DPP6: variants seen among roughly 807,000 people sequenced by gnomAD.
The protein encoded by DPP6 is A-type potassium channel modulatory protein DPP6.
A neutral mutation model predicts 122.6 loss-of-function variants in DPP6; 69 were observed. The ratio of observed to expected loss-of-function variants is 0.56; its 90% confidence interval spans 0.46 to 0.69. The LOEUF (loss-of-function observed/expected upper bound fraction) is 0.69, where lower values mean the gene tolerates loss of function less well. Among genes scored for constraint, DPP6 ranks in the 30% least tolerant of loss-of-function variants. DPP6 has a pLI of 0.00. For missense variants in DPP6, 928 were observed against 1,116.9 expected, an observed-to-expected ratio of 0.83 and a Z score of 2.41; for synonymous variants, 418 against 433.1, an observed-to-expected ratio of 0.97 and a Z score of 0.43.
intron 1 of DPP6, among the ~76,000 whole-genome samples, chr7:154,080,974 G>C (rs1472632061): frequency 6.6e-6 from 1 of 152,072 alleles, no homozygotes; most frequent in Non-Finnish European, 1.5e-5. Context: ...TAAAACAGCT[G>C]AAGCTAAATC....
intron 1 of DPP6, among the ~76,000 whole-genome samples, chr7:154,081,059 G>A (rs903843738): frequency 3.3e-5 from 5 of 152,086 alleles, no homozygotes; most frequent in Non-Finnish European, 5.9e-5. Context: ...AGAATTTTGA[G>A]CTATGGCTTA....
the DPP6 span, among the ~76,000 whole-genome samples, chr7:153,753,410 T>C: frequency 6.6e-6 from 1 of 152,132 alleles, no homozygotes. Flanking sequence ...CATTTGATAA[T>C]TAGGATCAAT....
chr7:154,036,008 A>ACGCG (rs976364293), intron 1 of DPP6, among the ~76,000 whole-genome samples: 22 of 10,100 alleles, frequency 2.2e-3, no homozygotes, highest in Admixed American at 8.5e-3. Context: ...GGCCAGGATT[A>ACGCG]CGCGCGCGCG....
At chr7:154,732,388 A>C (rs927926111) in intron 8 of DPP6, among the ~76,000 whole-genome samples, 1 of 152,244 alleles carries the variant, frequency 6.6e-6, no homozygotes. Flanking sequence ...TGAGTCATCC[A>C]TACTTCTTTT....
rs1806695551 is a variant in DPP6, at chr7:154,892,439, C to A, written c.2557C>A (p.Leu853Met). Reference sequence around the variant, plus strand: ...GGAATGCTTCAGGATCCAGGACAAACTGCTGACAGTCACAGCGAAAGAGGA... The same window carrying A: ...GGAATGCTTCAGGATCCAGGACAAAATGCTGACAGTCACAGCGAAAGAGGA... ...FVECFRIQDK[L>M]LTVTAKEDEE... Residue 853 changes from leucine to methionine, a missense_variant, in exon 26 of 26, where the codon CTG (leucine) becomes ATG (methionine). By Grantham distance (15) the Leu-to-Met change is conservative. Coordinates refer to ENST00000377770, the MANE Select transcript of DPP6 (RefSeq NM_130797.4). 6.2e-7 allele frequency: 1 copy of A among 1,613,936 alleles called. No homozygotes were observed. The highest frequency in any genetic ancestry group is 8.5e-7 in the Non-Finnish European group (1 of 1,179,906).
chr7:154,383,356 C>CA (rs1194335818), intron 1 of DPP6, among the ~76,000 whole-genome samples: 1 of 152,190 alleles, frequency 6.6e-6, no homozygotes, highest in Non-Finnish European at 1.5e-5. Flanking sequence ...AGCCTCTTCA[C>CA]ATCTCCTATT....
intron 16 of DPP6, among the ~76,000 whole-genome samples, chr7:154,840,367 G>A (rs11243319): frequency 6.6e-6 from 1 of 152,040 alleles, no homozygotes; most frequent in Admixed American, 6.5e-5. Context: ...ACCTCAGCCT[G>A]CATGCAGACT....
chr7:154,019,128 A>G (rs1798568699), intron 1 of DPP6, among the ~76,000 whole-genome samples: 1 of 152,178 alleles, frequency 6.6e-6, no homozygotes, highest in African/African-American at 2.4e-5. Flanking sequence ...GACTGTCACC[A>G]TTTTTAACAA....
chr7:153,929,218 C>T (rs1038015619), intron 1 of DPP6, among the ~76,000 whole-genome samples: 2 of 152,090 alleles, frequency 1.3e-5, no homozygotes, highest in Non-Finnish European at 2.9e-5. Flanking sequence ...CAACAAGTGG[C>T]TGATGTTCCT....
intron 1 of DPP6, among the ~76,000 whole-genome samples, chr7:154,427,856 T>G (rs1396296464): frequency 6.6e-6 from 1 of 152,234 alleles, no homozygotes; most frequent in East Asian, 1.9e-4. Context: ...CTAATTATTT[T>G]CAGGTTAATT....
At chr7:154,113,913 C>G (rs1416309282) in intron 1 of DPP6, among the ~76,000 whole-genome samples, 1 of 152,152 alleles carries the variant, frequency 6.6e-6, no homozygotes, top group African/African-American at 2.4e-5. Context: ...AGATCAGGAA[C>G]AAGACAAGGA....
chr7:154,608,126 T>A (rs934857676), intron 5 of DPP6, among the ~76,000 whole-genome samples: 4 of 144,796 alleles, frequency 2.8e-5, no homozygotes, highest in African/African-American at 1.0e-4. Context: ...ATTACAGGCA[T>A]GTGCCACCAC....
chr7:154,138,369 A>G (rs1795683270), intron 1 of DPP6, among the ~76,000 whole-genome samples: 1 of 152,230 alleles, frequency 6.6e-6, no homozygotes, highest in Non-Finnish European at 1.5e-5. Context: ...GCTTTCTGGG[A>G]TGAAGACATT....
chr7:153,839,126 C>T, the DPP6 span, among the ~76,000 whole-genome samples: 1 of 152,180 alleles, frequency 6.6e-6, no homozygotes, highest in Non-Finnish European at 1.5e-5. Flanking sequence ...CTGCTCTACA[C>T]TAATGTGAAC....
intron 2 of DPP6, among the ~76,000 whole-genome samples, chr7:154,457,383 A>G (rs1820910428): frequency 7.9e-5 from 1 of 12,680 alleles, no homozygotes; most frequent in Admixed American, 1.4e-3. Flanking sequence ...GGGACTGTAA[A>G]CTAGTTCAAC....
chr7:153,799,418 G>A, the DPP6 span, among the ~76,000 whole-genome samples: 90 of 152,102 alleles, frequency 5.9e-4, no homozygotes, highest in Non-Finnish European at 4.7e-4. Context: ...ATTTTTCCTT[G>A]AGGGAGCATT....
chr7:154,078,490 A>G, intron 1 of DPP6, among the ~76,000 whole-genome samples: 1 of 152,048 alleles, frequency 6.6e-6, no homozygotes, highest in Non-Finnish European at 1.5e-5. Context: ...GATACGAGCA[A>G]TATGGGGAGA....
chr7:154,401,211 C>A (rs202053593), intron 1 of DPP6, among the ~76,000 whole-genome samples: 3,500 of 123,846 alleles, frequency 0.028, 128 homozygotes, highest in African/African-American at 0.098. Flanking sequence ...AAAACAAAAA[C>A]AAAAACAAAA....
intron 3 of DPP6, among the ~76,000 whole-genome samples, chr7:154,517,221 G>A (rs1474968837): frequency 1.3e-5 from 2 of 152,162 alleles, no homozygotes; most frequent in African/African-American, 4.8e-5. Context: ...TGGTGTTCTA[G>A]GTTGGAATAA....
Sources: gnomAD v4.1 joint callset for allele counts (sites outside exome capture counted in the v4.1 genomes callset) on GRCh38, gnomAD v4.1.1 for gene constraint, MANE v1.5 for transcripts, NCBI Gene and HGNC (gene_info 2026-07-23, HGNC 2026-07-21) for gene names.